Variants in BRINP2 observed in about 807,000 individuals in gnomAD.
BRINP2 encodes the protein BMP/retinoic acid inducible neural specific 2.
A neutral mutation model predicts 69.2 loss-of-function variants in BRINP2; 21 were observed. The observed-to-expected ratio is 0.30, with a 90% CI of 0.22 to 0.44. BRINP2 has a LOEUF of 0.44. Among genes scored for constraint, BRINP2 ranks in the 20% least tolerant of loss-of-function variants. The pLI is 1.00. For missense variants in BRINP2, 877 were observed against 986.0 expected, an observed-to-expected ratio of 0.89 and a Z score of 1.48; for synonymous variants, 380 against 394.1, an observed-to-expected ratio of 0.96 and a Z score of 0.42.
chr1:177,249,725 C>G (rs746625548), intron 2 of BRINP2, among the ~76,000 whole-genome samples: 32 of 152,154 alleles, frequency 2.1e-4, no homozygotes, highest in Non-Finnish European at 2.1e-4. Flanking sequence ...GGAAAAGCTG[C>G]TAAATGAAAA....
intron 1 of BRINP2, among the ~76,000 whole-genome samples, chr1:177,214,836 G>T (rs1296244545): frequency 6.6e-6 from 1 of 152,084 alleles, no homozygotes; most frequent in Non-Finnish European, 1.5e-5. Context: ...TATGATTTTT[G>T]AATACAAGGT....
intron 1 of BRINP2, among the ~76,000 whole-genome samples, chr1:177,210,236 G>A (rs1026972764): frequency 6.6e-6 from 1 of 152,062 alleles, no homozygotes; most frequent in African/African-American, 2.4e-5. Context: ...TTCCCTTGTG[G>A]TGCCATTCTG....
chr1:177,178,564 T>G (rs1191525801), intron 1 of BRINP2, among the ~76,000 whole-genome samples: 1 of 152,102 alleles, frequency 6.6e-6, no homozygotes, highest in East Asian at 1.9e-4. Flanking sequence ...CTCTATGAAG[T>G]CTTCTCTGAA....
chr1:177,280,665 G>A lies in BRINP2; in HGVS notation c.1489G>A (p.Glu497Lys), dbSNP rs144572304. 29 of 1,614,098 alleles carry A rather than the reference G, an allele frequency of 1.8e-5. No homozygotes were observed. The highest frequency in any genetic ancestry group is 5.5e-5 in the South Asian group (5 of 91,084). ...GGGGCTGTGCCGGCCAGAGGTGGCC[G>A]AGTCCCTGGAAAACTTTCTTGGGCT... ...AQGLCRPEVAESLENFLGLET... is the reference protein window; with the variant it reads ...AQGLCRPEVAKSLENFLGLET... The change falls in exon 8 of 8, where the codon GAG (glutamate) becomes AAG (lysine). Residue 497 changes from glutamate (E) to lysine (K), a missense_variant. By Grantham distance (56) the Glu-to-Lys change is moderately conservative. Coordinates refer to ENST00000361539, the MANE Select transcript of BRINP2 (RefSeq NM_021165.4).
chr1:177,183,721 A>G (rs1648334196), intron 1 of BRINP2, among the ~76,000 whole-genome samples: 1 of 152,214 alleles, frequency 6.6e-6, no homozygotes, highest in East Asian at 1.9e-4. Context: ...GGTGCAAAGG[A>G]TACTGACGTG....
At chr1:177,203,403 C>T (rs891633737) in intron 1 of BRINP2, among the ~76,000 whole-genome samples, 13 of 152,016 alleles carry the variant, frequency 8.6e-5, no homozygotes, top group Non-Finnish European at 1.5e-4. Context: ...GGGTGCAGCA[C>T]ACCAACATGG....
In BRINP2 at chr1:177,229,916, C is replaced by A; in HGVS notation, c.40C>A (p.Pro14Thr). 6.2e-7 allele frequency: 1 copy of A among 1,606,732 alleles called. No individual in the cohort carries two copies. The highest frequency in any genetic ancestry group is 8.5e-7 in the Non-Finnish European group (1 of 1,175,478). ...TGGCACTCGGTTTAGAGGGCTTCGG[C>A]CGGCGGTGGCCCCATGGACAGCCCT... ...QCGTRFRGLR[P>T]AVAPWTALLA... The change falls in exon 2 of 8, where the codon CCG (proline) becomes ACG (threonine). Residue 14 changes from proline to threonine, a missense_variant. Pro to Thr is a conservative substitution (Grantham distance 38). Coordinates refer to ENST00000361539, the MANE Select transcript of BRINP2 (RefSeq NM_021165.4).
chr1:177,181,898 G>T (rs1386732988), intron 1 of BRINP2, among the ~76,000 whole-genome samples: 1 of 152,230 alleles, frequency 6.6e-6, no homozygotes, highest in Admixed American at 6.5e-5. Context: ...GGCCGCAGAG[G>T]CGCAGGCGGG....
At chr1:177,191,370 G>A (rs1571888806) in intron 1 of BRINP2, among the ~76,000 whole-genome samples, 1 of 152,288 alleles carries the variant, frequency 6.6e-6, no homozygotes, top group African/African-American at 2.4e-5. Context: ...GGATGAGGAT[G>A]AGAACAAACT....
At chr1:177,221,354 T>G (rs946136988) in intron 1 of BRINP2, among the ~76,000 whole-genome samples, 1 of 152,212 alleles carries the variant, frequency 6.6e-6, no homozygotes, top group African/African-American at 2.4e-5. Flanking sequence ...GGGTTTTGAA[T>G]TTTGAAAATT....
chr1:177,213,551 A>C (rs1277993750), intron 1 of BRINP2, among the ~76,000 whole-genome samples: 3 of 152,200 alleles, frequency 2.0e-5, no homozygotes, highest in Non-Finnish European at 4.4e-5. Flanking sequence ...ACTTTATACT[A>C]TTTTCTAAAG....
At chr1:177,268,489 A>T (rs1651199504) in intron 4 of BRINP2, among the ~76,000 whole-genome samples, 1 of 152,184 alleles carries the variant, frequency 6.6e-6, no homozygotes, top group South Asian at 2.1e-4. Flanking sequence ...TTGTTCCCCT[A>T]AGCAGATGTA....
chr1:177,231,123 CTAA>C (rs1649850932), intron 2 of BRINP2, among the ~76,000 whole-genome samples: 1 of 152,312 alleles, frequency 6.6e-6, no homozygotes, highest in Non-Finnish European at 1.5e-5. Flanking sequence ...TATGAACACA[CTAA>C]TGTTTTTGGA....
chr1:177,271,350 C>A (rs1475782806), intron 4 of BRINP2, among the ~76,000 whole-genome samples: 1 of 152,170 alleles, frequency 6.6e-6, no homozygotes, highest in Non-Finnish European at 1.5e-5. Context: ...GAAGAGATCA[C>A]TAAAATATGT....
At chr1:177,218,321 C>T (rs1412402942) in intron 1 of BRINP2, among the ~76,000 whole-genome samples, 2 of 152,202 alleles carry the variant, frequency 1.3e-5, no homozygotes, top group African/African-American at 2.4e-5. Flanking sequence ...TCTAGAGACT[C>T]AAGCCATGTA....
intron 1 of BRINP2, among the ~76,000 whole-genome samples, chr1:177,211,870 T>A (rs1356328164): frequency 1.3e-5 from 2 of 152,230 alleles, no homozygotes; most frequent in African/African-American, 4.8e-5. Context: ...CGTTTGGCAG[T>A]GATTTATGTT....
At chr1:177,263,460 G>A (rs1220344287) in intron 4 of BRINP2, among the ~76,000 whole-genome samples, 3 of 152,162 alleles carry the variant, frequency 2.0e-5, no homozygotes, top group African/African-American at 2.4e-5. Context: ...ACAAGGGAGC[G>A]CCTTCCTTAC....
At chr1:177,273,026 C>T (rs527856009) in intron 4 of BRINP2, among the ~76,000 whole-genome samples, 6 of 152,284 alleles carry the variant, frequency 3.9e-5, no homozygotes, top group Middle Eastern at 3.4e-3. Context: ...AATACTAATA[C>T]TAATACTCAT....
intron 1 of BRINP2, among the ~76,000 whole-genome samples, chr1:177,203,963 G>A (rs1424904221): frequency 6.6e-6 from 1 of 152,122 alleles, no homozygotes; most frequent in Middle Eastern, 3.2e-3. Context: ...TCAGAATTGT[G>A]GGCTAAGAGA....
Sources: allele counts gnomAD v4.1 joint callset (sites outside exome capture counted in the v4.1 genomes callset), GRCh38; gene constraint gnomAD v4.1.1; transcripts MANE v1.5; gene names NCBI Gene and HGNC (gene_info 2026-07-23, HGNC 2026-07-21).